The following SCD5 variants were observed in gnomAD, a reference collection of about 807,000 sequenced individuals.
SCD5 encodes the protein acyl-CoA-desaturase 4.
A neutral mutation model predicts 30.4 loss-of-function variants in SCD5; 20 were observed. The observed-to-expected ratio is 0.66, with a 90% confidence interval of 0.46 to 0.96. The LOEUF (loss-of-function observed/expected upper bound fraction) is 0.96. Ranked by LOEUF, SCD5 falls within the 40% of genes least tolerant of loss-of-function variation. The probability of loss-of-function intolerance (pLI) is 0.00; values close to 1 mark genes in which losing one functional copy is unlikely to be tolerated. For missense variants in SCD5, 381 were observed against 443.3 expected (o/e 0.86, Z 1.26); for synonymous variants, 173 against 176.4 (o/e 0.98, Z 0.16).
chr4:82,689,996 A>G (rs1728796870), intron 2 of SCD5, among the ~76,000 whole-genome samples: 1 of 152,210 alleles, frequency 6.6e-6, no homozygotes, highest in African/African-American at 2.4e-5. Flanking sequence ...AAAAATATTG[A>G]TGGCATAAAA....
At chr4:82,660,012 G>C (rs1006484294) in intron 3 of SCD5, 1 of 151,042 alleles carries the variant, frequency 6.6e-6, no homozygotes, top group Admixed American at 6.6e-5. Context: ...AAATAGCAGG[G>C]GTTGCAATCC....
chr4:82,726,341 C>A (rs374539311), intron 1 of SCD5, among the ~76,000 whole-genome samples: 1 of 147,574 alleles, frequency 6.8e-6, no homozygotes, highest in African/African-American at 2.5e-5. Flanking sequence ...CGCTTGAACC[C>A]GGGAGATGGA....
intron 3 of SCD5, among the ~76,000 whole-genome samples, chr4:82,648,680 G>A (rs1727681041): frequency 6.6e-6 from 1 of 152,146 alleles, no homozygotes; most frequent in African/African-American, 2.4e-5. Context: ...TCTACCCTGA[G>A]CAGCTGTCAT....
chr4:82,660,844 A>C, intron 3 of SCD5: 1 of 1,613,676 alleles, frequency 6.2e-7, no homozygotes, highest in Non-Finnish European at 8.5e-7. Flanking sequence ...GTTATCACCA[A>C]GCCTCGCTGT....
intron 3 of SCD5, among the ~76,000 whole-genome samples, chr4:82,676,823 G>A (rs1728446776): frequency 6.6e-6 from 1 of 152,220 alleles, no homozygotes; most frequent in Admixed American, 6.5e-5. Context: ...TCTCTCCCTT[G>A]CACCTCCTAA....
intron 3 of SCD5, among the ~76,000 whole-genome samples, chr4:82,670,890 A>G (rs1046741668): frequency 2.6e-5 from 4 of 152,130 alleles, no homozygotes; most frequent in African/African-American, 7.2e-5. Flanking sequence ...ATTTCCATCA[A>G]TAAAAACTTT....
At chr4:82,698,982 G>C (rs115557793) in intron 2 of SCD5, among the ~76,000 whole-genome samples, 3,480 of 152,236 alleles carry the variant, frequency 0.023, 125 homozygotes, top group African/African-American at 0.08. Context: ...CCTGTGCCTA[G>C]AACAATGCTT....
chr4:82,746,001 C>G (rs1181378625), intron 1 of SCD5, among the ~76,000 whole-genome samples: 2 of 152,126 alleles, frequency 1.3e-5, no homozygotes, highest in East Asian at 3.8e-4. Context: ...CTAGGTTGTT[C>G]TAAAAATTAA....
chr4:82,764,060 A>G (rs1020840946), intron 1 of SCD5, among the ~76,000 whole-genome samples: 3 of 152,136 alleles, frequency 2.0e-5, no homozygotes, highest in Non-Finnish European at 4.4e-5. Context: ...CTTTTGCAGC[A>G]TATCATTGGG....
chr4:82,668,818 CCT>C (rs561044308), intron 3 of SCD5, among the ~76,000 whole-genome samples: 35 of 152,246 alleles, frequency 2.3e-4, no homozygotes, highest in African/African-American at 7.7e-4. Context: ...CTTAAAAGCC[CCT>C]GTCTCCATGT....
At chr4:82,713,315 G>T (rs899233415) in intron 1 of SCD5, among the ~76,000 whole-genome samples, 3 of 133,780 alleles carry the variant, frequency 2.2e-5, no homozygotes, top group African/African-American at 7.3e-5. Flanking sequence ...TTTCCTGGTT[G>T]ATTTACAGCT....
chr4:82,791,823 A>G (rs1722104491), intron 1 of SCD5, among the ~76,000 whole-genome samples: 1 of 152,208 alleles, frequency 6.6e-6, no homozygotes, highest in South Asian at 2.1e-4. Context: ...CAACAACAAC[A>G]ACAACAAAAC....
intron 1 of SCD5, among the ~76,000 whole-genome samples, chr4:82,757,248 G>A (rs1482515578): frequency 6.6e-6 from 1 of 152,088 alleles, no homozygotes; most frequent in African/African-American, 2.4e-5. Flanking sequence ...TGTCTGTGTG[G>A]TTCTTCTGTG....
chr4:82,765,128 G>C (rs1721460058), intron 1 of SCD5, among the ~76,000 whole-genome samples: 1 of 152,138 alleles, frequency 6.6e-6, no homozygotes, highest in Non-Finnish European at 1.5e-5. Context: ...CCAGTTGGTA[G>C]ATTTTTCTTT....
At chr4:82,753,813 C>T (rs1721163323) in intron 1 of SCD5, among the ~76,000 whole-genome samples, 1 of 151,990 alleles carries the variant, frequency 6.6e-6, no homozygotes, top group Non-Finnish European at 1.5e-5. Flanking sequence ...TATGAAAATC[C>T]AACTGAGAGG....
At chr4:82,660,494 T>A in intron 3 of SCD5, 1 of 987,126 alleles carries the variant, frequency 1.0e-6, no homozygotes, top group Non-Finnish European at 1.2e-6. Flanking sequence ...AAATGGAATA[T>A]CTCCTATAGA....
chr4:82,708,229 A>G, intron 1 of SCD5, among the ~76,000 whole-genome samples: 1 of 152,230 alleles, frequency 6.6e-6, no homozygotes, highest in East Asian at 1.9e-4. Flanking sequence ...GGTGAGTTGT[A>G]CAGTATGAGT....
At position 82,629,849 on chromosome 4, in the gene SCD5, C is replaced by T. The variant is rs1030115449; in HGVS notation, c.*1478G>A. 6.6e-6 allele frequency: 1 copy of T among 152,080 alleles called. No individual in the cohort carries two copies. Among genetic ancestry groups the T allele is most frequent in the Non-Finnish European group, 1.5e-5 (1 of 68,020 alleles). 9.4% of individuals were successfully genotyped at this position (152,080 alleles called of 1,614,324 possible). The stretch of plus-strand genomic sequence containing the variant: ...ACTTCACACACAAATTTTTTTAATC[C>T]AGAAGCTACATAATGATCACTTTAT... On this transcript the variant is annotated 3_prime_UTR_variant, in exon 5 of 5. Transcript: ENST00000319540.
chr4:82,780,882 C>T (rs373870333), intron 1 of SCD5, among the ~76,000 whole-genome samples: 15 of 152,356 alleles, frequency 9.8e-5, no homozygotes, highest in East Asian at 9.6e-4. Context: ...AGGGGAGGTC[C>T]GGGCACAGGG....
Sources: allele counts gnomAD v4.1 joint callset (sites outside exome capture counted in the v4.1 genomes callset), GRCh38; gene constraint gnomAD v4.1.1; transcripts MANE v1.5; gene names NCBI Gene and HGNC (gene_info 2026-07-23, HGNC 2026-07-21).